PCSK5: variants seen among roughly 807,000 people sequenced by gnomAD.
PCSK5 encodes the protein prohormone convertase 5.
In PCSK5, 129 loss-of-function variants were observed where a neutral mutation model predicts 233.2. The observed-to-expected ratio is 0.55, with a 90% CI of 0.48 to 0.64. The LOEUF is 0.64. Ranked by LOEUF, PCSK5 falls within the 30% of genes least tolerant of loss-of-function variation. The pLI is 0.00. For missense variants in PCSK5, 2,076 were observed against 2,430.1 expected (o/e 0.85, Z 3.06); for synonymous variants, 825 against 879.2 (o/e 0.94, Z 1.09).
chr9:76,325,407 G>A (rs1048194681), intron 32 of PCSK5, among the ~76,000 whole-genome samples: 2 of 152,164 alleles, frequency 1.3e-5, no homozygotes, highest in African/African-American at 4.8e-5. Flanking sequence ...GAATCACCTG[G>A]GCAGCTCTTA....
At chr9:75,897,489 CTTTTTTTTT>C (rs58504698) in intron 1 of PCSK5, among the ~76,000 whole-genome samples, 2 of 119,618 alleles carry the variant, frequency 1.7e-5, no homozygotes, top group African/African-American at 6.5e-5. Flanking sequence ...TCTTTCTTTT[CTTTTTTTTT>C]TTTTTTTTTT....
At chr9:76,248,868 G>C (rs1438128920) in intron 24 of PCSK5, among the ~76,000 whole-genome samples, 3 of 152,164 alleles carry the variant, frequency 2.0e-5, no homozygotes, top group Non-Finnish European at 2.9e-5. Flanking sequence ...CTGAGCTCAA[G>C]TGATCCTCCC....
chr9:76,096,601 CT>C (rs756676487), intron 8 of PCSK5, among the ~76,000 whole-genome samples: 3,183 of 140,814 alleles, frequency 0.023, 53 homozygotes, highest in African/African-American at 0.057. Context: ...AGGTGCGTTT[CT>C]TTTTTTTTTT....
chr9:76,104,639 G>T (rs1365281734), intron 8 of PCSK5, among the ~76,000 whole-genome samples: 1 of 152,168 alleles, frequency 6.6e-6, no homozygotes, highest in Non-Finnish European at 1.5e-5. Flanking sequence ...TTTGAGGTTG[G>T]CTGAAGATGG....
intron 35 of PCSK5, among the ~76,000 whole-genome samples, chr9:76,345,326 G>A (rs1342451617): frequency 1.3e-5 from 2 of 152,020 alleles, no homozygotes; most frequent in Non-Finnish European, 2.9e-5. Flanking sequence ...TCCGCCTGCC[G>A]GGTTCAAGGG....
intron 2 of PCSK5, among the ~76,000 whole-genome samples, chr9:75,969,872 C>CT (rs35326945): frequency 0.028 from 3,875 of 138,402 alleles, 137 homozygotes; most frequent in African/African-American, 0.083. Flanking sequence ...TCCAGAAATC[C>CT]TTTTTTTTTT....
In PCSK5 at chr9:76,328,202, C is replaced by T. The variant is rs368033708; in HGVS notation, c.4533C>T (p.Asp1511=). The change falls in exon 33 of 38, where the codon GAC becomes GAT. Residue 1511 remains aspartate (D), a synonymous_variant. Transcript: ENST00000674117. ...TCCACTGCATGGGGCCGGCGGAGGA[C>T]CAGTGTCAAACATGCCCCATGAACA... ...KCFHCMGPAE[D]QCQTCPMNSL... is the part of the protein sequence containing the mutation. 32 of 1,612,614 alleles carry T rather than the reference C, an allele frequency of 2.0e-5. No homozygotes were observed. Among genetic ancestry groups the T allele is most frequent in the Non-Finnish European group, 2.7e-5 (32 of 1,179,798 alleles).
At chr9:76,286,352 A>G (rs1206126628) in intron 24 of PCSK5, 1 of 152,380 alleles carries the variant, frequency 6.6e-6, no homozygotes. Flanking sequence ...AAGCATGGCC[A>G]TTGTTTCTCA....
intron 5 of PCSK5, among the ~76,000 whole-genome samples, chr9:76,029,478 T>C (rs1401464741): frequency 6.6e-6 from 1 of 152,230 alleles, no homozygotes; most frequent in Non-Finnish European, 1.5e-5. Context: ...AAACAAATCA[T>C]GATAGGACTG....
At chr9:76,122,552 C>G (rs1458202819) in intron 9 of PCSK5, among the ~76,000 whole-genome samples, 1 of 151,984 alleles carries the variant, frequency 6.6e-6, no homozygotes, top group African/African-American at 2.4e-5. Context: ...GTTAGATTAT[C>G]AGCAACACTG....
chr9:76,227,378 C>T, intron 20 of PCSK5, 125 bp from the exon 21 acceptor site: 1 of 664,800 alleles, frequency 1.5e-6, no homozygotes, highest in Non-Finnish European at 2.7e-6. Context: ...CCATTCAGGG[C>T]CTCTCCTCTC....
chr9:76,035,906 G>A (rs1412262830), intron 5 of PCSK5, among the ~76,000 whole-genome samples: 1 of 151,860 alleles, frequency 6.6e-6, no homozygotes, highest in African/African-American at 2.4e-5. Context: ...AGACATCCAA[G>A]AACTTTCAAA....
chr9:75,906,056 G>A (rs1437327385), intron 1 of PCSK5, among the ~76,000 whole-genome samples: 3 of 152,028 alleles, frequency 2.0e-5, no homozygotes, highest in Admixed American at 2.0e-4. Context: ...CGGTGCTTGC[G>A]TTATAGTGGG....
At chr9:76,257,720 C>T (rs1180491219) in intron 24 of PCSK5, among the ~76,000 whole-genome samples, 1 of 152,172 alleles carries the variant, frequency 6.6e-6, no homozygotes, top group Admixed American at 6.5e-5. Flanking sequence ...CCATGCCTCA[C>T]TGATCACCCT....
In PCSK5 at chr9:76,332,587, G is replaced by A; in HGVS notation, c.4725G>A (p.Glu1575=). Residue 1575 remains glutamate, a synonymous_variant, in exon 34 of 38, where the codon GAG becomes GAA. Transcript: ENST00000674117. ...CRPGWFQLGK[E]CLLQCREGYY... is the part of the protein sequence containing the mutation. ...CGGGCTGGTTCCAGCTAGGAAAAGA[G>A]TGCCTGCTCCAGTGCAGGGAAGGGT... 3 of 1,600,360 alleles carry A rather than the reference G, an allele frequency of 1.9e-6. No homozygotes were observed. The highest frequency in any genetic ancestry group is 1.1e-5 in the South Asian group (1 of 89,560).
intron 25 of PCSK5, among the ~76,000 whole-genome samples, chr9:76,293,972 G>T (rs1828356896): frequency 6.6e-6 from 1 of 152,168 alleles, no homozygotes; most frequent in South Asian, 2.1e-4. Flanking sequence ...CAAGGTGGGT[G>T]GATCACCTGA....
intron 7 of PCSK5, among the ~76,000 whole-genome samples, chr9:76,088,547 A>C (rs900286453): frequency 5.3e-5 from 8 of 152,326 alleles, no homozygotes; most frequent in African/African-American, 1.9e-4. Flanking sequence ...AAAACATCTC[A>C]TATTGTCTCA....
chr9:75,984,359 A>G (rs1826409322), intron 2 of PCSK5, among the ~76,000 whole-genome samples: 1 of 152,220 alleles, frequency 6.6e-6, no homozygotes, highest in Non-Finnish European at 1.5e-5. Flanking sequence ...GCAGTGGGGA[A>G]GACATGATAC....
intron 9 of PCSK5, among the ~76,000 whole-genome samples, chr9:76,118,509 G>A (rs193134847): frequency 6.6e-6 from 1 of 151,954 alleles, no homozygotes; most frequent in African/African-American, 2.4e-5. Context: ...TCACAGTGGT[G>A]CTTGCAAGCA....
Sources: allele counts gnomAD v4.1 joint callset (sites outside exome capture counted in the v4.1 genomes callset), GRCh38; gene constraint gnomAD v4.1.1; transcripts MANE v1.5; gene names NCBI Gene and HGNC (gene_info 2026-07-23, HGNC 2026-07-21).